Variants in CRB1 observed in about 807,000 individuals in gnomAD.
CRB1 encodes crumbs cell polarity complex component 1.
CRB1 carries 83 observed loss-of-function variants against 120.0 expected under a neutral mutation model. The observed-to-expected ratio is 0.69, with a 90% CI of 0.58 to 0.83. The LOEUF is 0.83. Ranked by LOEUF, CRB1 falls within the 40% of genes least tolerant of loss-of-function variation. CRB1 has a pLI of 0.00. For synonymous variants in CRB1, 625 were observed against 612.5 expected (o/e 1.02, Z -0.30); for missense variants, 1,699 against 1,687.6 (o/e 1.01, Z -0.12).
At chr1:197,468,667 G>A (rs1666851575) in intron 11 of CRB1, among the ~76,000 whole-genome samples, 1 of 152,142 alleles carries the variant, frequency 6.6e-6, no homozygotes, top group Admixed American at 6.5e-5. Flanking sequence ...CCTGAAGGAA[G>A]GGATAGATTT....
At chr1:197,362,872 T>G (rs1441437624) in intron 5 of CRB1, among the ~76,000 whole-genome samples, 2 of 152,176 alleles carry the variant, frequency 1.3e-5, no homozygotes, top group Non-Finnish European at 2.9e-5. Context: ...TTTAGACCAT[T>G]TATGTTTAAG....
chr1:197,470,938 T>C (rs1320482265), intron 11 of CRB1, among the ~76,000 whole-genome samples: 1 of 152,216 alleles, frequency 6.6e-6, no homozygotes, highest in Non-Finnish European at 1.5e-5. Context: ...AGAGGAAATA[T>C]GTCATGCTTG....
intron 1 of CRB1, among the ~76,000 whole-genome samples, chr1:197,305,208 A>T (rs544637102): frequency 6.6e-6 from 1 of 152,234 alleles, no homozygotes; most frequent in South Asian, 2.1e-4. Flanking sequence ...TCCAATATTT[A>T]TGGTAATTTC....
At chr1:197,302,913 C>A (rs1304414826) in intron 1 of CRB1, among the ~76,000 whole-genome samples, 1 of 152,166 alleles carries the variant, frequency 6.6e-6, no homozygotes, top group Non-Finnish European at 1.5e-5. Context: ...ATGTCAAGTT[C>A]TCTTTAATAG....
the CRB1 span, chr1:197,222,332 A>G: frequency 1.4e-6 from 1 of 732,264 alleles, no homozygotes; most frequent in East Asian, 2.6e-5. Flanking sequence ...CGGGAGAGTG[A>G]ATCCCAGACG....
intron 5 of CRB1, among the ~76,000 whole-genome samples, chr1:197,369,769 A>G (rs1157485690): frequency 6.6e-6 from 1 of 152,084 alleles, no homozygotes; most frequent in African/African-American, 2.4e-5. Flanking sequence ...CCCATTCTGA[A>G]CTTCTCTCTG....
chr1:197,370,509 C>A (rs758186724), intron 5 of CRB1, among the ~76,000 whole-genome samples: 40 of 152,058 alleles, frequency 2.6e-4, no homozygotes, highest in Admixed American at 4.6e-4. Flanking sequence ...AAAACAAAAT[C>A]AACTCCAAAA....
At chr1:197,251,760 ATG>A in the CRB1 span, among the ~76,000 whole-genome samples, 2 of 151,610 alleles carry the variant, frequency 1.3e-5, no homozygotes, top group East Asian at 1.9e-4. Context: ...AAATTTTTTT[ATG>A]TGTTTGTGCA....
At chr1:197,353,145 G>C (rs1223069547) in intron 4 of CRB1, among the ~76,000 whole-genome samples, 2 of 152,190 alleles carry the variant, frequency 1.3e-5, no homozygotes, top group Admixed American at 1.3e-4. Flanking sequence ...TGGGTGGCAT[G>C]AGAGAAAATA....
intron 11 of CRB1, among the ~76,000 whole-genome samples, chr1:197,473,678 A>G (rs1667078486): frequency 6.6e-6 from 1 of 151,986 alleles, no homozygotes; most frequent in Non-Finnish European, 1.5e-5. Flanking sequence ...TCTTTTCAGG[A>G]AAAGGTTATT....
At chr1:197,213,799 A>G in the CRB1 span, among the ~76,000 whole-genome samples, 2 of 152,174 alleles carry the variant, frequency 1.3e-5, no homozygotes, top group African/African-American at 4.8e-5. Flanking sequence ...TCAAAAAAGA[A>G]AAGTCAAAAG....
chr1:197,446,581 A>G (rs548122604), intron 11 of CRB1, among the ~76,000 whole-genome samples: 4 of 152,344 alleles, frequency 2.6e-5, no homozygotes, highest in East Asian at 1.9e-4. Flanking sequence ...TGTCATGATT[A>G]TACTTGCACT....
At chr1:197,365,536 A>G (rs967001863) in intron 5 of CRB1, among the ~76,000 whole-genome samples, 1 of 151,298 alleles carries the variant, frequency 6.6e-6, no homozygotes, top group African/African-American at 2.4e-5. Context: ...CAGAGGAGGT[A>G]AGCTCTTTCT....
intron 7 of CRB1, among the ~76,000 whole-genome samples, chr1:197,428,706 C>G (rs1014992706): frequency 2.0e-5 from 3 of 152,136 alleles, no homozygotes; most frequent in Non-Finnish European, 4.4e-5. Context: ...GTACTAGGCA[C>G]TATTTTACAT....
At chr1:197,203,634 T>C in the CRB1 span, among the ~76,000 whole-genome samples, 1 of 152,200 alleles carries the variant, frequency 6.6e-6, no homozygotes, top group Non-Finnish European at 1.5e-5. Context: ...CTACTTGACA[T>C]TTTAATAGAG....
chr1:197,210,005 A>T, the CRB1 span, among the ~76,000 whole-genome samples: 1 of 152,166 alleles, frequency 6.6e-6, no homozygotes, highest in African/African-American at 2.4e-5. Context: ...GTATGTTCCT[A>T]TGGTAGTTCT....
At chr1:197,384,143 C>T (rs1028724264) in intron 5 of CRB1, among the ~76,000 whole-genome samples, 8 of 152,134 alleles carry the variant, frequency 5.3e-5, no homozygotes, top group African/African-American at 1.7e-4. Flanking sequence ...TGTGCCAGAC[C>T]TTGTTTTAAT....
At chr1:197,242,390 G>A in the CRB1 span, among the ~76,000 whole-genome samples, 1 of 151,970 alleles carries the variant, frequency 6.6e-6, no homozygotes, top group Non-Finnish European at 1.5e-5. Context: ...GCATGAAGGG[G>A]TGTTTAATTT....
Position 197,428,978 on chromosome 1 carries a change from A to G in CRB1, c.2677-471A>G, listed in dbSNP as rs940562396. The G allele has an allele frequency of 9.8e-6, 15 of 1,533,194 alleles. No individual in the cohort carries two copies. In the South Asian group the frequency reaches 1.1e-4, roughly 11 times the overall value. 95.0% of individuals were successfully genotyped at this position (1,533,194 alleles called of 1,614,324 possible). A position where few individuals can be genotyped will look rare whatever the true frequency, so the allele number is the denominator to read the frequency against. On this transcript the variant is annotated intron_variant, in intron 7 of 11. Coordinates refer to ENST00000367400, the MANE Select transcript of CRB1 (RefSeq NM_201253.3). The stretch of plus-strand genomic sequence containing the variant: ...AATACTATGTCTCTGATTCAGAGGC[A>G]GACCAATGTGGGAAGGGCACTCACT...
Sources: allele counts gnomAD v4.1 joint callset (sites outside exome capture counted in the v4.1 genomes callset), GRCh38; gene constraint gnomAD v4.1.1; transcripts MANE v1.5; gene names NCBI Gene and HGNC (gene_info 2026-07-23, HGNC 2026-07-21).